HNRNPDL: variants seen among roughly 807,000 people sequenced by gnomAD.
HNRNPDL encodes the protein heterogeneous nuclear ribonucleoprotein D like.
A neutral mutation model predicts 48.0 loss-of-function variants in HNRNPDL; 18 were observed. The ratio of observed to expected loss-of-function variants is 0.38; its 90% CI spans 0.26 to 0.56. HNRNPDL has a LOEUF of 0.56. HNRNPDL is among the 20% of genes least tolerant of loss of function. The pLI, the probability that HNRNPDL is intolerant of heterozygous loss-of-function variation, is 0.77. For synonymous variants in HNRNPDL, 306 were observed against 207.3 expected, an observed-to-expected ratio of 1.48 and a Z score of -4.09; for missense variants, 553 against 540.7, an observed-to-expected ratio of 1.02 and a Z score of -0.23.
rs1402840170 is a variant in HNRNPDL, at chr4:82,423,157, A to G, written c.*1749T>C. The G allele has an allele frequency of 6.6e-6, 1 of 152,178 alleles. No homozygotes were observed. The highest frequency in any genetic ancestry group is 1.5e-5 in the Non-Finnish European group (1 of 68,026). The allele number at this position is 152,178 out of a possible 1,614,324, so 9.4% of individuals were successfully genotyped here. On this transcript the variant is annotated 3_prime_UTR_variant, in exon 8 of 8. Coordinates refer to ENST00000295470, the MANE Select transcript of HNRNPDL (RefSeq NM_031372.4). ...AAACATCTCAATCATCTCTAGATGT[A>G]GTGTATTTTTTCTCAGTCATACATA...
rs577161374 is a variant in HNRNPDL at position 82,426,595 on chromosome 4, A to C, written c.1060T>G (p.Tyr354Asp). Residue 354 changes from tyrosine to aspartate, a missense_variant, in exon 6 of 8, where the codon TAT becomes GAT. Transcript: ENST00000295470. ...TTGTAATTTCCATATCCTTGATCAT[A>C]ATAGTTATTAAATCCTTGGTTCCAG... is the stretch of plus-strand genomic sequence containing the variant. ...QNWNQGFNNY[Y>D]DQGYGNYNSA... 6.2e-7 allele frequency: 1 copy of C among 1,613,824 alleles called. No homozygotes were observed. The highest frequency in any genetic ancestry group is 1.7e-5 in the Admixed American group (1 of 60,014).
Position 82,429,417 on chromosome 4 carries a change from A to T in HNRNPDL, c.274T>A (p.Ser92Thr). The T allele has an allele frequency of 6.2e-7, 1 of 1,613,070 alleles. No homozygotes were observed. ...RPDLFRRHFK[S>T]SSIQRSAAAA... is the part of the protein sequence containing the mutation. Reference sequence around the variant, plus strand: ...GCGGCGGAGCGTTGTATGGAGCTGGATTTAAAATGGCGGCGGAAGAGATCC... The same window carrying T: ...GCGGCGGAGCGTTGTATGGAGCTGGTTTTAAAATGGCGGCGGAAGAGATCC... The change falls in exon 1 of 8, where the codon TCC becomes ACC. Residue 92 changes from serine (S) to threonine (T), a missense_variant. By Grantham distance (58) the Ser-to-Thr change is moderately conservative. Transcript: ENST00000295470.
chr4:82,428,296 A>C lies in HNRNPDL; in HGVS notation c.594T>G (p.Asp198Glu), dbSNP rs1451100919. The C allele has an allele frequency of 1.1e-5, 17 of 1,612,958 alleles. No homozygotes were observed. The highest frequency in any genetic ancestry group is 1.4e-5 in the Non-Finnish European group (17 of 1,179,280). ...SRGFGFVLFK[D>E]AASVDKVLEL... is the part of the protein sequence containing the mutation. Reference sequence around the variant, plus strand: ...TTCCTACCTTATCAACACTAGCAGCATCTTTGAAAAGCACAAATCCAAATC... The same window carrying C: ...TTCCTACCTTATCAACACTAGCAGCCTCTTTGAAAAGCACAAATCCAAATC... Residue 198 changes from aspartate (D) to glutamate (E), a missense_variant, in exon 2 of 8, where the codon GAT (aspartate) becomes GAG (glutamate). Asp to Glu is a conservative substitution (Grantham distance 45). This residue lies in a region of HNRNPDL where 43 missense variants were observed against 104.0 expected (regional missense o/e 0.41). Transcript: ENST00000295470.
chr4:82,426,401 A>T, intron 6 of HNRNPDL, 62 bp downstream of exon 6: 1 of 1,432,260 alleles, frequency 7.0e-7, no homozygotes, highest in Non-Finnish European at 9.8e-7. Context: ...TCAGAACAGG[A>T]TTGTATGTTA....
chr4:82,427,564 T>C lies in HNRNPDL; in HGVS notation c.775A>G (p.Ile259Val). 6.2e-7 allele frequency: 1 copy of C among 1,608,108 alleles called. No homozygotes were observed. The highest frequency in any genetic ancestry group is 2.2e-5 in the East Asian group (1 of 44,822). ...TCCATGGGAAGTTCAATATTTTCAATCTGAAATCGAGATGCACACTCAACG... is the reference window on the plus strand; with the variant it reads ...TCCATGGGAAGTTCAATATTTTCAACCTGAAATCGAGATGCACACTCAACG... The part of the protein sequence containing the change: ...IKEYFGAFGE[I>V]ENIELPMDTK... Residue 259 changes from isoleucine (I) to valine (V), a missense_variant and splice_region_variant, in exon 4 of 8, where the codon ATT (isoleucine) becomes GTT (valine). Transcript: ENST00000295470.
rs1721255175 is a variant in HNRNPDL at position 82,423,110 on chromosome 4, A to C, written c.*1796T>G. On this transcript the variant is annotated 3_prime_UTR_variant, in exon 8 of 8. Coordinates refer to ENST00000295470, the MANE Select transcript of HNRNPDL (RefSeq NM_031372.4). ...GCCCCTGCAAGAAAAACCAATTCTC[A>C]CTCCCCCTTCAATTCTTTGCAAAAC... is the stretch of plus-strand genomic sequence containing the variant. 6.6e-6 allele frequency: 1 copy of C among 151,330 alleles called. No homozygotes were observed. Among genetic ancestry groups the C allele is most frequent in the African/African-American group, 2.4e-5 (1 of 41,114 alleles). 9.4% of individuals were successfully genotyped at this position (151,330 alleles called of 1,614,324 possible).
rs997471502 is a variant in HNRNPDL, at chr4:82,424,742, G to C, written c.*164C>G. The C allele has an allele frequency of 3.9e-5, 6 of 152,456 alleles. No homozygotes were observed. Among genetic ancestry groups the C allele is most frequent in the African/African-American group, 1.4e-4 (6 of 41,442 alleles). The allele number at this position is 152,456 out of a possible 1,614,324, so 9.4% of individuals were successfully genotyped here. ...TAGCAAAGGACAAAGTAAAAACAAA[G>C]AAAACTAATTGGCAGCTATATACAG... On this transcript the variant is annotated 3_prime_UTR_variant, in exon 8 of 8. Transcript: ENST00000295470.
chr4:82,429,122 T>C (rs1037485453), intron 1 of HNRNPDL, 126 bp downstream of exon 1: 9 of 843,694 alleles, frequency 1.1e-5, no homozygotes, highest in Non-Finnish European at 1.8e-5. Flanking sequence ...TCCAATCTAG[T>C]GGGGCCCAGA....
At chr4:82,427,668 A>C (rs564292457) in intron 3 of HNRNPDL, 104 bp from the exon 4 acceptor site, 1 of 1,034,184 alleles carries the variant, frequency 9.7e-7, no homozygotes, top group African/African-American at 1.6e-5. Flanking sequence ...TGTTATTCTT[A>C]TCGGGTGACT....
At position 82,422,829 on chromosome 4, in the gene HNRNPDL, T is replaced by TA. The variant is rs1721237176; in HGVS notation, c.*2076dup. On this transcript the variant is annotated 3_prime_UTR_variant, in exon 8 of 8. Transcript: ENST00000295470. Reference sequence around the variant, plus strand: ...TGGTCTAAACAATGTAAAAGGCAAATACGATGTAAAAAACATACACAGAGT... The same window carrying TA: ...TGGTCTAAACAATGTAAAAGGCAAATAACGATGTAAAAAACATACACAGAGT... 6.6e-6 allele frequency: 1 copy of TA among 152,222 alleles called. No homozygotes were observed. The highest frequency in any genetic ancestry group is 1.5e-5 in the Non-Finnish European group (1 of 68,038). 9.4% of individuals were successfully genotyped at this position (152,222 alleles called of 1,614,324 possible).
At position 82,427,495 on chromosome 4, in the gene HNRNPDL, T is replaced by C. The variant is rs1255183439; in HGVS notation, c.844A>G (p.Thr282Ala). 3 of 1,610,658 alleles carry C rather than the reference T, an allele frequency of 1.9e-6. No individual in the cohort carries two copies. The highest frequency in any genetic ancestry group is 1.1e-5 in the South Asian group (1 of 90,004). ...ERRGFCFITY[T>A]DEEPVKKLLE... ...AATTTTTTTACTGGCTCTTCATCAG[T>C]ATATGTGATAAAACAAAATCCTCTT... is the stretch of plus-strand genomic sequence containing the variant. Residue 282 changes from threonine to alanine, a missense_variant, in exon 4 of 8, where the codon ACT (threonine) becomes GCT (alanine). Thr to Ala is a moderately conservative substitution (Grantham distance 58, BLOSUM62 0). Transcript: ENST00000295470.
rs956689300 is a variant in HNRNPDL, at chr4:82,429,857, T to C, written c.-167A>G. On this transcript the variant is annotated 5_prime_UTR_variant, in exon 1 of 8. Coordinates refer to ENST00000295470, the MANE Select transcript of HNRNPDL (RefSeq NM_031372.4). Reference sequence around the variant, plus strand: ...CTCTTGCCTTGGGAGCCTTTGTCTCTGGCGTCCGGTCCAGCCCACTCCTAC... The same window carrying C: ...CTCTTGCCTTGGGAGCCTTTGTCTCCGGCGTCCGGTCCAGCCCACTCCTAC... 2.2e-6 allele frequency: 1 copy of C among 451,298 alleles called. No homozygotes were observed. Among genetic ancestry groups the C allele is most frequent in the Non-Finnish European group, 3.7e-6 (1 of 270,458 alleles). 28.0% of individuals were successfully genotyped at this position (451,298 alleles called of 1,614,324 possible).
In HNRNPDL at chr4:82,423,970, C is replaced by T. The variant is rs1385253139; in HGVS notation, c.*936G>A. The T allele has an allele frequency of 2.0e-5, 3 of 152,174 alleles. No individual in the cohort carries two copies. Among genetic ancestry groups the T allele is most frequent in the Non-Finnish European group, 4.4e-5 (3 of 68,032 alleles). 9.4% of individuals were successfully genotyped at this position (152,174 alleles called of 1,614,324 possible). A position where few individuals can be genotyped will look rare whatever the true frequency, so the allele number is the denominator to read the frequency against. The stretch of plus-strand genomic sequence containing the variant: ...AGCTAATACAACTTCCTCAGGATGC[C>T]CAAACAGAAAACATTTTGTTCAATC... On this transcript the variant is annotated 3_prime_UTR_variant, in exon 8 of 8. Transcript: ENST00000295470.
chr4:82,427,620 C>A, intron 3 of HNRNPDL, 56 bp from the exon 4 acceptor site: 1 of 1,562,814 alleles, frequency 6.4e-7, no homozygotes, highest in South Asian at 1.2e-5. Flanking sequence ...GTTACAGTGT[C>A]AGAATGCCAA....
At chr4:82,429,222 G>A (rs376324771) in intron 1 of HNRNPDL, 26 bp downstream of exon 1, 21 of 1,606,970 alleles carry the variant, frequency 1.3e-5, no homozygotes, top group Non-Finnish European at 1.7e-5. Flanking sequence ...TGGGGGAGGG[G>A]GAGCGGGGGA....
At chr4:82,425,164 T>C (rs984307621) in intron 7 of HNRNPDL, 6 of 152,230 alleles carry the variant, frequency 3.9e-5, no homozygotes, top group Admixed American at 3.9e-4. Context: ...GAAGCATCTC[T>C]AGTAACCCAA....
In HNRNPDL at chr4:82,429,794, C is replaced by A. The variant is rs1050482965; in HGVS notation, c.-104G>T. 1 of 897,936 alleles carries A rather than the reference C, an allele frequency of 1.1e-6. No homozygotes were observed. Among genetic ancestry groups the A allele is most frequent in the Non-Finnish European group, 1.5e-6 (1 of 661,172 alleles). The allele number at this position is 897,936 out of a possible 1,614,324, so 55.6% of individuals were successfully genotyped here. On this transcript the variant is annotated 5_prime_UTR_variant, in exon 1 of 8. Coordinates refer to ENST00000295470, the MANE Select transcript of HNRNPDL (RefSeq NM_031372.4). ...ACGAAGGGGCGTAAATTCCTGGGGT[C>A]AGCAGTCCCGAGCAGAGCCGACGCA...
At position 82,429,371 on chromosome 4, in the gene HNRNPDL, GT is replaced by G; in HGVS notation, c.319del (p.Thr107LeufsTer17). 1 of 1,613,672 alleles carries G rather than the reference GT, an allele frequency of 6.2e-7. No homozygotes were observed. Among genetic ancestry groups the G allele is most frequent in the Non-Finnish European group, 8.5e-7 (1 of 1,179,858 alleles). On this transcript the variant is annotated frameshift_variant, in exon 1 of 8. Transcript: ENST00000295470. LOFTEE classifies it high-confidence loss of function. ...RSAAAAAATR[T>X]ARQHPPADSS... Reference sequence around the variant, plus strand: ...GTCGGCAGGGGGGTGCTGGCGCGCAGTCCGGGTCGCGGCAGCAGCGGCGGCG... The same window carrying G: ...GTCGGCAGGGGGGTGCTGGCGCGCAGCCGGGTCGCGGCAGCAGCGGCGGCG...
At chr4:82,425,045 C>T (rs944947179) in intron 7 of HNRNPDL, 162 bp from the exon 8 acceptor site, 3 of 152,196 alleles carry the variant, frequency 2.0e-5, no homozygotes, top group Non-Finnish European at 4.4e-5. Context: ...TCAATAAACT[C>T]ACCCTGGAGT....
Sources: allele counts gnomAD v4.1 joint callset, GRCh38; gene constraint gnomAD v4.1.1; regional missense constraint gnomAD v4.1.1; transcripts MANE v1.5; gene names NCBI Gene and HGNC (gene_info 2026-07-23, HGNC 2026-07-21).